HTR1E: variants seen among roughly 807,000 people sequenced by gnomAD.
HTR1E encodes 5-HT-1E.
In HTR1E, 3 loss-of-function variants were observed where a neutral mutation model predicts 3.4. That is an observed-to-expected ratio of 0.89 (90% CI 0.41 to 2.31). HTR1E has a LOEUF of 2.31. Among genes scored for constraint, HTR1E ranks in the 30% most tolerant of loss-of-function variants. The pLI, the probability that HTR1E is intolerant of heterozygous loss-of-function variation, is 0.05. For missense variants in HTR1E, 392 were observed against 467.0 expected, an observed-to-expected ratio of 0.84 and a Z score of 1.48; for synonymous variants, 170 against 182.8, an observed-to-expected ratio of 0.93 and a Z score of 0.56.
intron 1 of HTR1E, among the ~76,000 whole-genome samples, chr6:87,001,694 T>C (rs961484211): frequency 6.6e-6 from 1 of 152,202 alleles, no homozygotes; most frequent in Non-Finnish European, 1.5e-5. Flanking sequence ...CATCTTATTG[T>C]CTGGATGTAG....
intron 1 of HTR1E, among the ~76,000 whole-genome samples, chr6:86,944,371 G>C (rs1768586115): frequency 6.6e-6 from 1 of 152,174 alleles, no homozygotes; most frequent in African/African-American, 2.4e-5. Flanking sequence ...TAAGACATCA[G>C]AAGCTGTTTG....
At chr6:86,968,584 T>G (rs945742019) in intron 1 of HTR1E, among the ~76,000 whole-genome samples, 5 of 152,230 alleles carry the variant, frequency 3.3e-5, no homozygotes, top group Non-Finnish European at 7.3e-5. Context: ...CATTAGTTCA[T>G]AGTTTAACAA....
At chr6:86,939,623 A>G (rs1488375142) in intron 1 of HTR1E, among the ~76,000 whole-genome samples, 1 of 152,228 alleles carries the variant, frequency 6.6e-6, no homozygotes, top group Non-Finnish European at 1.5e-5. Context: ...TTTCATAACA[A>G]TTTCCAGGGA....
chr6:86,983,978 C>A lies in HTR1E; in HGVS notation c.-185-31172C>A, dbSNP rs975563703. ...TTATTTGACTTTCACTTAACTAATA[C>A]TCTTTGTGATCAATCCCCCTGATTA... is the stretch of plus-strand genomic sequence containing the variant. On this transcript the variant is annotated intron_variant, in intron 1 of 1. Coordinates refer to ENST00000305344, the MANE Select transcript of HTR1E (RefSeq NM_000865.3). Among the ~76,000 whole-genome samples the A allele has an allele frequency of 3.3e-5, 5 of 152,088 alleles. No homozygotes were observed. In the South Asian group the frequency reaches 6.2e-4, roughly 19 times the overall value.
intron 1 of HTR1E, among the ~76,000 whole-genome samples, chr6:87,009,525 A>G (rs1228445255): frequency 1.3e-5 from 2 of 149,750 alleles, no homozygotes; most frequent in Admixed American, 6.6e-5. Flanking sequence ...CCGCCTTTCT[A>G]TTCCACAAAG....
intron 1 of HTR1E, chr6:86,970,815 C>A (rs1767541558): frequency 4.3e-6 from 1 of 234,374 alleles, no homozygotes; most frequent in African/African-American, 2.3e-5. Context: ...TTCAGTGGAA[C>A]CTTTGTGAAG....
chr6:86,944,465 T>C (rs985814152), intron 1 of HTR1E, among the ~76,000 whole-genome samples: 3 of 152,204 alleles, frequency 2.0e-5, no homozygotes, highest in African/African-American at 7.2e-5. Flanking sequence ...GTCAAAGAAT[T>C]TGTAAAATAT....
In HTR1E at chr6:86,951,699, A is replaced by G. The variant is rs185084405; in HGVS notation, c.-186+13876A>G. Among the ~76,000 whole-genome samples the G allele has an allele frequency of 2.6e-5, 4 of 152,348 alleles. No homozygotes were observed. The East Asian group carries it at 5.8e-4, about 22-fold the overall frequency. Reference sequence around the variant, plus strand: ...TTTTTGAAAACTGAATTACAGATTTATGAAGGATATATTCGAAACTTAATT... The same window carrying G: ...TTTTTGAAAACTGAATTACAGATTTGTGAAGGATATATTCGAAACTTAATT... On this transcript the variant is annotated intron_variant, in intron 1 of 1. Transcript: ENST00000305344.
chr6:87,009,995 C>T (rs1403116254), intron 1 of HTR1E, among the ~76,000 whole-genome samples: 11 of 125,358 alleles, frequency 8.8e-5, no homozygotes, highest in Non-Finnish European at 1.2e-4. Context: ...GACGGGGTGG[C>T]TGGCCGGGCG....
intron 1 of HTR1E, among the ~76,000 whole-genome samples, chr6:86,981,829 G>T (rs750951993): frequency 3.9e-5 from 6 of 152,166 alleles, no homozygotes; most frequent in Admixed American, 3.3e-4. Flanking sequence ...AAAGAGTCAG[G>T]ATTTCAACCT....
chr6:86,969,754 G>A (rs1033085456), intron 1 of HTR1E, among the ~76,000 whole-genome samples: 6 of 152,106 alleles, frequency 3.9e-5, no homozygotes, highest in Admixed American at 6.5e-5. Flanking sequence ...GGTCCCACAC[G>A]TGACCTAGGC....
chr6:87,004,659 A>G (rs6912284), intron 1 of HTR1E, among the ~76,000 whole-genome samples: 2,316 of 152,254 alleles, frequency 0.015, 67 homozygotes, highest in African/African-American at 0.052. Flanking sequence ...AAAAACTGAA[A>G]GTCTTTCCTC....
intron 1 of HTR1E, among the ~76,000 whole-genome samples, chr6:86,988,048 T>G (rs908974477): frequency 3.3e-5 from 5 of 152,146 alleles, no homozygotes; most frequent in African/African-American, 1.2e-4. Flanking sequence ...TCACAATAAC[T>G]TTGTCAAGTA....
At chr6:86,953,625 T>C (rs1375612923) in intron 1 of HTR1E, among the ~76,000 whole-genome samples, 1 of 152,094 alleles carries the variant, frequency 6.6e-6, no homozygotes, top group Non-Finnish European at 1.5e-5. Context: ...AACTCAAAAC[T>C]CACATGATTC....
chr6:87,015,412 C>T lies in HTR1E; in HGVS notation c.78C>T (p.Cys26=), dbSNP rs140190384. ...PKTITEKMLI[C]MTLVVITTLT... is the part of the protein sequence containing the mutation. Reference sequence around the variant, plus strand: ...CCATCACTGAGAAGATGCTCATTTGCATGACTCTGGTGGTCATCACCACCC... The same window carrying T: ...CCATCACTGAGAAGATGCTCATTTGTATGACTCTGGTGGTCATCACCACCC... The change falls in exon 2 of 2, where the codon TGC becomes TGT. Residue 26 remains cysteine, a synonymous_variant. Coordinates refer to ENST00000305344, the MANE Select transcript of HTR1E (RefSeq NM_000865.3). The T allele has an allele frequency of 4.3e-6, 7 of 1,612,654 alleles. No individual in the cohort carries two copies. In the African/African-American group the frequency reaches 9.3e-5, roughly 22 times the overall value.
intron 1 of HTR1E, 98 bp from the exon 2 acceptor site, chr6:87,015,052 A>T (rs1440377368): frequency 2.7e-5 from 6 of 224,192 alleles, no homozygotes; most frequent in African/African-American, 9.1e-5. Flanking sequence ...AGAGAAAATT[A>T]AAATTTATAA....
rs117665677 is a variant in HTR1E at position 86,974,495 on chromosome 6, A to G, written c.-186+36672A>G. On this transcript the variant is annotated intron_variant, in intron 1 of 1. Transcript: ENST00000305344. ...ATACAGACTAACAGAGTACTCATCAATTTGGGTTTTCTAGTGTCTCCTCAT... is the reference window on the plus strand; with the variant it reads ...ATACAGACTAACAGAGTACTCATCAGTTTGGGTTTTCTAGTGTCTCCTCAT... Among the ~76,000 whole-genome samples, 104 of 152,248 alleles carry G rather than the reference A, an allele frequency of 6.8e-4. 1 individual carries two copies. Among genetic ancestry groups the G allele is most frequent in the Non-Finnish European group, 4.4e-5 (3 of 68,024 alleles).
chr6:86,945,737 T>C (rs967910015), intron 1 of HTR1E, among the ~76,000 whole-genome samples: 2 of 152,094 alleles, frequency 1.3e-5, no homozygotes, highest in African/African-American at 4.8e-5. Context: ...TTTTTGTTTT[T>C]GTTTTTGTTT....
chr6:86,953,493 A>C (rs1170443432), intron 1 of HTR1E, among the ~76,000 whole-genome samples: 21 of 152,124 alleles, frequency 1.4e-4, no homozygotes, highest in Non-Finnish European at 4.4e-5. Context: ...AGCTAGTGCA[A>C]AGGAATCAGT....
Sources: allele counts gnomAD v4.1 joint callset (sites outside exome capture counted in the v4.1 genomes callset), GRCh38; gene constraint gnomAD v4.1.1; transcripts MANE v1.5; gene names NCBI Gene and HGNC (gene_info 2026-07-23, HGNC 2026-07-21).